Variants in TOX2 observed in about 807,000 individuals in gnomAD.
The protein encoded by TOX2 is TOX high mobility group box family member 2.
Under a neutral mutation model 47.4 loss-of-function variants are expected in TOX2, and 15 were observed. The observed-to-expected ratio is 0.32, with a 90% confidence interval of 0.21 to 0.49. The LOEUF is 0.49. TOX2 is among the 20% of genes least tolerant of loss of function. The pLI is 0.99. For missense variants in TOX2, 622 were observed against 673.1 expected, an observed-to-expected ratio of 0.92 and a Z score of 0.84; for synonymous variants, 290 against 296.6, an observed-to-expected ratio of 0.98 and a Z score of 0.23.
At chr20:43,922,351 A>G (rs2069121108) in intron 1 of TOX2, among the ~76,000 whole-genome samples, 1 of 152,186 alleles carries the variant, frequency 6.6e-6, no homozygotes, top group Admixed American at 6.5e-5. Context: ...CGTGACAACA[A>G]AAATGTCTCC....
chr20:44,022,100 T>A (rs764825759), intron 3 of TOX2, among the ~76,000 whole-genome samples: 36 of 152,214 alleles, frequency 2.4e-4, no homozygotes, highest in Non-Finnish European at 4.6e-4. Context: ...GGCCGGCCGA[T>A]GACGCTGGAG....
Position 43,973,350 on chromosome 20 carries a change from C to T in TOX2, c.100-17C>T, listed in dbSNP as rs543633449. 1.2e-6 allele frequency: 2 copies of T among 1,612,582 alleles called. No individual in the cohort carries two copies. Among genetic ancestry groups the T allele is most frequent in the Admixed American group, 1.7e-5 (1 of 59,992 alleles). On this transcript the variant is annotated splice_polypyrimidine_tract_variant and intron_variant, in intron 1 of 8. Coordinates refer to ENST00000341197, the MANE Select transcript of TOX2 (RefSeq NM_001098797.2). ...GCATTTTAATCAGAGCTGCTTCTCC[C>T]TCTCTCTCTATTCTAGTTTGATGGT...
At chr20:44,032,462 G>T (rs561955436) in intron 3 of TOX2, among the ~76,000 whole-genome samples, 1 of 152,316 alleles carries the variant, frequency 6.6e-6, no homozygotes, top group African/African-American at 2.4e-5. Flanking sequence ...AGAGCCCTGT[G>T]GTGGGAGGCT....
intron 5 of TOX2, among the ~76,000 whole-genome samples, chr20:44,063,597 C>T (rs1345054725): frequency 6.6e-6 from 1 of 152,186 alleles, no homozygotes; most frequent in Non-Finnish European, 1.5e-5. Flanking sequence ...AGCAATCCCA[C>T]TGCTTGGTAT....
At chr20:44,016,427 A>T (rs2070879452) in intron 3 of TOX2, among the ~76,000 whole-genome samples, 1 of 152,076 alleles carries the variant, frequency 6.6e-6, no homozygotes, top group Non-Finnish European at 1.5e-5. Context: ...CCTGGCCTGA[A>T]GTAGCATCTT....
At chr20:44,066,147 TG>T in intron 7 of TOX2, 40 bp downstream of exon 7, 1 of 1,489,242 alleles carries the variant, frequency 6.7e-7, no homozygotes, top group Non-Finnish European at 8.9e-7. Context: ...TGTGACCGTG[TG>T]GGGAGGGGAA....
chr20:43,976,824 A>G (rs1029941654), intron 2 of TOX2, among the ~76,000 whole-genome samples: 1 of 151,972 alleles, frequency 6.6e-6, no homozygotes, highest in Admixed American at 6.6e-5. Context: ...ACACGTGAAC[A>G]CCCTCTCACA....
chr20:44,030,167 A>C, intron 3 of TOX2, among the ~76,000 whole-genome samples: 1 of 151,096 alleles, frequency 6.6e-6, no homozygotes, highest in Admixed American at 6.6e-5. Context: ...ACAGCTGGCC[A>C]CTCTCCCCTA....
intron 3 of TOX2, among the ~76,000 whole-genome samples, chr20:44,008,971 G>A (rs1412759477): frequency 6.6e-6 from 1 of 152,226 alleles, no homozygotes; most frequent in Non-Finnish European, 1.5e-5. Flanking sequence ...TCGCTGGACA[G>A]ACCACTATGT....
At chr20:43,973,815 A>G (rs915163995) in intron 2 of TOX2, among the ~76,000 whole-genome samples, 3 of 152,196 alleles carry the variant, frequency 2.0e-5, no homozygotes, top group Non-Finnish European at 1.5e-5. Flanking sequence ...GGATGCACAC[A>G]TGCCCTTGCG....
chr20:44,038,636 A>G (rs994159715), intron 3 of TOX2, among the ~76,000 whole-genome samples: 1 of 152,044 alleles, frequency 6.6e-6, no homozygotes, highest in Non-Finnish European at 1.5e-5. Context: ...TTAATTGTGG[A>G]AAAAAAGAAA....
At chr20:43,941,490 A>G (rs1600665773) in intron 1 of TOX2, among the ~76,000 whole-genome samples, 1 of 151,904 alleles carries the variant, frequency 6.6e-6, no homozygotes, top group African/African-American at 2.4e-5. Flanking sequence ...GTGCCACCAC[A>G]CCTGGCTAAT....
chr20:43,917,263 TG>T (rs201055073), intron 1 of TOX2, among the ~76,000 whole-genome samples: 1,538 of 151,034 alleles, frequency 0.01, 60 homozygotes, highest in Admixed American at 0.083. Flanking sequence ...TGGTGGTGGT[TG>T]GGGGGTAGGG....
At chr20:44,015,539 A>G (rs1332094656) in intron 3 of TOX2, among the ~76,000 whole-genome samples, 2 of 152,246 alleles carry the variant, frequency 1.3e-5, no homozygotes, top group African/African-American at 4.8e-5. Flanking sequence ...AAAAGCTGCT[A>G]TTAATATTTC....
intron 5 of TOX2, among the ~76,000 whole-genome samples, chr20:44,060,232 G>A (rs1160579483): frequency 6.6e-6 from 1 of 152,042 alleles, no homozygotes; most frequent in African/African-American, 2.4e-5. Flanking sequence ...TCTAACATTG[G>A]AGCTCCCAAA....
intron 3 of TOX2, among the ~76,000 whole-genome samples, chr20:44,033,505 G>T (rs1322357362): frequency 6.6e-6 from 1 of 152,022 alleles, no homozygotes; most frequent in African/African-American, 2.4e-5. Context: ...TCTTGTGATG[G>T]GCATATGGCT....
intron 2 of TOX2, among the ~76,000 whole-genome samples, chr20:43,990,500 C>A (rs2070351121): frequency 1.3e-5 from 2 of 152,218 alleles, no homozygotes; most frequent in Non-Finnish European, 2.9e-5. Flanking sequence ...GTGCCACCAC[C>A]TGGGAAGGCA....
chr20:43,995,240 A>C (rs1189092188), intron 2 of TOX2, among the ~76,000 whole-genome samples: 3 of 152,166 alleles, frequency 2.0e-5, no homozygotes, highest in Non-Finnish European at 4.4e-5. Context: ...CGAATCAGAA[A>C]GATTCTATTA....
At chr20:44,030,025 G>A (rs776305025) in intron 3 of TOX2, among the ~76,000 whole-genome samples, 33 of 151,966 alleles carry the variant, frequency 2.2e-4, no homozygotes, top group African/African-American at 7.5e-4. Context: ...GATGCTCCAC[G>A]CTCATGGCTG....
Sources: allele counts gnomAD v4.1 joint callset (sites outside exome capture counted in the v4.1 genomes callset), GRCh38; gene constraint gnomAD v4.1.1; transcripts MANE v1.5; gene names NCBI Gene and HGNC (gene_info 2026-07-23, HGNC 2026-07-21).